CLUL1: variants seen among roughly 807,000 people sequenced by gnomAD.
CLUL1 encodes the protein clusterin-like protein 1.
A neutral mutation model predicts 49.4 loss-of-function variants in CLUL1; 43 were observed. The observed-to-expected ratio is 0.87, with a 90% confidence interval of 0.68 to 1.12. The LOEUF (loss-of-function observed/expected upper bound fraction) is 1.12. Ranked by LOEUF, CLUL1 falls within the 50% of genes most tolerant of loss-of-function variation. The pLI is 0.00. For synonymous variants in CLUL1, 192 were observed against 184.9 expected, an observed-to-expected ratio of 1.04 and a Z score of -0.31; for missense variants, 486 against 544.4, an observed-to-expected ratio of 0.89 and a Z score of 1.07.
At position 640,018 on chromosome 18, in the gene CLUL1, A is replaced by C. The variant is rs565090992; in HGVS notation, c.995-1309A>C. 8.5e-5 allele frequency among the ~76,000 whole-genome samples: 13 copies of C among 152,300 alleles called. No individual in the cohort carries two copies. The East Asian group carries it at 2.5e-3, about 29-fold the overall frequency. On this transcript the variant is annotated intron_variant, in intron 7 of 9. Transcript: ENST00000692774. ...AAATCTTGCCATTATCTTTTCTATC[A>C]GACCAAAATAATTTACATCTCTACT...
At chr18:638,771 TC>T (rs2144155828) in intron 7 of CLUL1, among the ~76,000 whole-genome samples, 1 of 151,600 alleles carries the variant, frequency 6.6e-6, no homozygotes, top group African/African-American at 2.4e-5. Flanking sequence ...GGCAGGAGAA[TC>T]GCTTGAAACC....
At chr18:614,546 A>C (rs2073237548) in intron 2 of CLUL1, 1 of 152,228 alleles carries the variant, frequency 6.6e-6, no homozygotes, top group South Asian at 2.1e-4. Flanking sequence ...TGACTGTGGA[A>C]GGACTTCTAC....
intron 2 of CLUL1, among the ~76,000 whole-genome samples, chr18:610,175 C>T (rs530119084): frequency 4.6e-5 from 7 of 152,244 alleles, no homozygotes; most frequent in East Asian, 3.9e-4. Flanking sequence ...AATAATGTGG[C>T]CAGAATTTAA....
chr18:645,591 T>A (rs949042296), intron 9 of CLUL1, among the ~76,000 whole-genome samples: 1 of 150,782 alleles, frequency 6.6e-6, no homozygotes, highest in South Asian at 2.1e-4. Context: ...GTCAGGAGAT[T>A]GAGACCATCC....
intron 2 of CLUL1, among the ~76,000 whole-genome samples, chr18:609,309 T>A (rs1411781212): frequency 6.6e-6 from 1 of 152,200 alleles, no homozygotes; most frequent in Non-Finnish European, 1.5e-5. Flanking sequence ...TGACAAGCAA[T>A]CATTTTCTTA....
At chr18:623,644 CAAAAAAAAAA>C (rs59558949) in intron 4 of CLUL1, among the ~76,000 whole-genome samples, 1 of 71,102 alleles carries the variant, frequency 1.4e-5, no homozygotes, top group Admixed American at 1.7e-4. Flanking sequence ...GACTCTGTCT[CAAAAAAAAAA>C]AAAAAAAAAA....
Position 649,967 on chromosome 18 carries a change from G to T in CLUL1, c.*66G>T. Reference sequence around the variant, plus strand: ...TCTTCATCTGGGACCTGGAAATCCTGAAATAAAAAAGGATAATGCAATAAA... The same window carrying T: ...TCTTCATCTGGGACCTGGAAATCCTTAAATAAAAAAGGATAATGCAATAAA... On this transcript the variant is annotated 3_prime_UTR_variant, in exon 10 of 10. Coordinates refer to ENST00000692774, the MANE Select transcript of CLUL1 (RefSeq NM_001393344.1). 9.1e-7 allele frequency: 1 copy of T among 1,102,016 alleles called. No individual in the cohort carries two copies. The allele number at this position is 1,102,016 out of a possible 1,614,324, so 68.3% of individuals were successfully genotyped here. A position where few individuals can be genotyped will look rare whatever the true frequency, so the allele number is the denominator to read the frequency against.
intron 7 of CLUL1, among the ~76,000 whole-genome samples, chr18:638,061 C>T (rs1410124713): frequency 6.6e-6 from 1 of 152,176 alleles, no homozygotes; most frequent in Non-Finnish European, 1.5e-5. Flanking sequence ...AGGACTCTCT[C>T]AGCCTGTTTT....
Position 601,576 on chromosome 18 carries a change from G to A in CLUL1, c.-136+4447G>A, listed in dbSNP as rs557899790. Among the ~76,000 whole-genome samples the A allele has an allele frequency of 1.2e-4, 18 of 152,098 alleles. No individual in the cohort carries two copies. The South Asian group carries it at 3.7e-3, about 32-fold the overall frequency. ...GCAGGAGAACTGCTTGAACCAGGGA[G>A]TCGGAGGTTGCAGTGAGCCCAGATC... On this transcript the variant is annotated intron_variant, in intron 1 of 9. Transcript: ENST00000692774.
intron 2 of CLUL1, 70 bp downstream of exon 2, chr18:607,169 C>G: frequency 1.4e-6 from 1 of 694,778 alleles, no homozygotes; most frequent in Non-Finnish European, 2.6e-6. Flanking sequence ...GCTCTGTCAC[C>G]CAGGCCAGAA....
At chr18:619,408 G>T in intron 4 of CLUL1, 47 bp downstream of exon 4, 1 of 1,525,650 alleles carries the variant, frequency 6.6e-7, no homozygotes, top group South Asian at 1.3e-5. Context: ...ATCTGGACCA[G>T]AAATACTGCA....
rs1376698290 is a variant in CLUL1, at chr18:616,314, AAAG to A, written c.-13-1672_-13-1670del. ...ATGCCAAACGAGAAAACAAACAAAC[AAAG>A]ATGCCACATGACTGTGTAAATACAC... On this transcript the variant is annotated intron_variant, in intron 2 of 9. Coordinates refer to ENST00000692774, the MANE Select transcript of CLUL1 (RefSeq NM_001393344.1). 5.9e-5 allele frequency among the ~76,000 whole-genome samples: 9 copies of A among 152,300 alleles called. No individual in the cohort carries two copies. In the South Asian group the frequency reaches 1.0e-3, roughly 18 times the overall value.
intron 9 of CLUL1, among the ~76,000 whole-genome samples, chr18:647,334 G>A (rs2074536810): frequency 6.6e-6 from 1 of 152,220 alleles, no homozygotes; most frequent in Admixed American, 6.5e-5. Flanking sequence ...CCCTGTGCCA[G>A]GGTACCTGCC....
chr18:649,769 A>G, intron 9 of CLUL1, 129 bp from the exon 10 acceptor site: 1 of 662,568 alleles, frequency 1.5e-6, no homozygotes, highest in Non-Finnish European at 2.7e-6. Context: ...TACAGTACCA[A>G]TTTTTCCAAA....
At chr18:640,431 G>T (rs2144170553) in intron 7 of CLUL1, among the ~76,000 whole-genome samples, 1 of 148,760 alleles carries the variant, frequency 6.7e-6, no homozygotes, top group Admixed American at 6.8e-5. Context: ...AAAGAAAAAA[G>T]AAAAAGAAAC....
At chr18:617,263 G>A (rs1011755131) in intron 2 of CLUL1, among the ~76,000 whole-genome samples, 8 of 152,062 alleles carry the variant, frequency 5.3e-5, no homozygotes, top group Non-Finnish European at 7.4e-5. Flanking sequence ...AAATAATAGC[G>A]AACCACGTAG....
At chr18:623,879 G>C (rs941467434) in intron 4 of CLUL1, among the ~76,000 whole-genome samples, 9 of 152,200 alleles carry the variant, frequency 5.9e-5, no homozygotes, top group African/African-American at 1.9e-4. Context: ...TCAGTGCCCA[G>C]GTGATTCTTT....
chr18:610,419 T>C (rs1276150481), intron 2 of CLUL1, among the ~76,000 whole-genome samples: 1 of 151,942 alleles, frequency 6.6e-6, no homozygotes, highest in Non-Finnish European at 1.5e-5. Flanking sequence ...TGTCTGGATC[T>C]GGTGACAGGG....
At chr18:610,328 C>T (rs897580831) in intron 2 of CLUL1, among the ~76,000 whole-genome samples, 3 of 152,116 alleles carry the variant, frequency 2.0e-5, no homozygotes, top group African/African-American at 4.8e-5. Flanking sequence ...AATGCACGGG[C>T]CCAGATGCAA....
Sources: allele counts gnomAD v4.1 joint callset (sites outside exome capture counted in the v4.1 genomes callset), GRCh38; gene constraint gnomAD v4.1.1; transcripts MANE v1.5; gene names NCBI Gene and HGNC (gene_info 2026-07-23, HGNC 2026-07-21).